Variants in SMOC2 observed in about 807,000 individuals in gnomAD.
The protein encoded by SMOC2 is SPARC-related modular calcium-binding protein 2.
SMOC2 carries 39 observed loss-of-function variants against 61.4 expected under a neutral mutation model. The ratio of observed to expected loss-of-function variants is 0.64; its 90% CI spans 0.49 to 0.83. The LOEUF (loss-of-function observed/expected upper bound fraction) is 0.83, where lower values mean the gene tolerates loss of function less well. Ranked by LOEUF, SMOC2 falls within the 40% of genes least tolerant of loss-of-function variation. SMOC2 has a pLI of 0.00. For missense variants in SMOC2, 556 were observed against 592.9 expected (o/e 0.94, Z 0.65); for synonymous variants, 247 against 239.9 (o/e 1.03, Z -0.27).
intron 7 of SMOC2, among the ~76,000 whole-genome samples, chr6:168,560,562 C>A (rs1410222410): frequency 2.9e-5 from 4 of 139,600 alleles, no homozygotes; most frequent in African/African-American, 8.1e-5. Flanking sequence ...AGACACGAGG[C>A]TCTCACTGCA....
chr6:168,648,436 C>A (rs1787103205), intron 9 of SMOC2, among the ~76,000 whole-genome samples: 1 of 152,210 alleles, frequency 6.6e-6, no homozygotes, highest in African/African-American at 2.4e-5. Context: ...TTTCTCATTT[C>A]CCTTCCTGGT....
intron 1 of SMOC2, among the ~76,000 whole-genome samples, chr6:168,491,153 C>T (rs1200459900): frequency 6.6e-6 from 1 of 152,230 alleles, no homozygotes; most frequent in African/African-American, 2.4e-5. Context: ...ATTGCACATG[C>T]TGCTCACGCC....
At chr6:168,536,665 T>G (rs988922488) in intron 4 of SMOC2, among the ~76,000 whole-genome samples, 1 of 152,060 alleles carries the variant, frequency 6.6e-6, no homozygotes, top group Non-Finnish European at 1.5e-5. Flanking sequence ...GGACTCAGTG[T>G]GGAGAGAGGG....
chr6:168,532,416 T>C (rs903799090), intron 4 of SMOC2, among the ~76,000 whole-genome samples: 16 of 152,192 alleles, frequency 1.1e-4, no homozygotes, highest in Non-Finnish European at 2.2e-4. Flanking sequence ...TTCTTTCTTT[T>C]CTTCCTCACC....
At chr6:168,557,996 CCTCTGGGGCATCTCTGAGGCTGA>C (rs1346600323) in intron 7 of SMOC2, among the ~76,000 whole-genome samples, 20 of 152,206 alleles carry the variant, frequency 1.3e-4, no homozygotes, top group African/African-American at 4.8e-4. Flanking sequence ...GAGCTGCTGG[CCTCTGGGGCATCTCTGAGGCTGA>C]CAGTGTGGGA....
intron 4 of SMOC2, among the ~76,000 whole-genome samples, chr6:168,538,817 C>T (rs1469837829): frequency 6.6e-6 from 1 of 151,570 alleles, no homozygotes; most frequent in East Asian, 1.9e-4. Context: ...GGGGTGACCC[C>T]TGCTGGAATC....
intron 1 of SMOC2, among the ~76,000 whole-genome samples, chr6:168,481,201 GT>G (rs1372166592): frequency 1.6e-4 from 24 of 152,038 alleles, no homozygotes; most frequent in Non-Finnish European, 1.6e-4. Context: ...TTGTAACATG[GT>G]TTAAAACTCT....
chr6:168,583,716 G>C (rs931682295), intron 7 of SMOC2, among the ~76,000 whole-genome samples: 1 of 152,212 alleles, frequency 6.6e-6, no homozygotes, highest in Non-Finnish European at 1.5e-5. Flanking sequence ...GAGTTCACAG[G>C]CTTGGGCCCA....
chr6:168,492,754 C>T (rs1025171723), intron 1 of SMOC2, among the ~76,000 whole-genome samples: 2 of 152,220 alleles, frequency 1.3e-5, no homozygotes, highest in African/African-American at 2.4e-5. Flanking sequence ...GAGGCACATA[C>T]CTGTCCTGAC....
At chr6:168,565,123 A>T (rs1374892719) in intron 7 of SMOC2, among the ~76,000 whole-genome samples, 1 of 152,238 alleles carries the variant, frequency 6.6e-6, no homozygotes, top group African/African-American at 2.4e-5. Flanking sequence ...ATTTTATCTG[A>T]CAACTCTGCC....
chr6:168,455,339 T>C (rs1261693634), intron 1 of SMOC2, among the ~76,000 whole-genome samples: 1 of 152,218 alleles, frequency 6.6e-6, no homozygotes, highest in Non-Finnish European at 1.5e-5. Flanking sequence ...TGTTGTGTCT[T>C]GTCCCAGTCG....
chr6:168,659,594 T>TTATAGTA (rs1787431045), intron 11 of SMOC2, among the ~76,000 whole-genome samples: 1 of 10,062 alleles, frequency 9.9e-5, no homozygotes, highest in Non-Finnish European at 2.1e-4. Flanking sequence ...AGGTTGTAGG[T>TTATAGTA]TGGGTGAGGG....
intron 9 of SMOC2, among the ~76,000 whole-genome samples, chr6:168,629,938 C>T (rs780407733): frequency 7.2e-5 from 11 of 152,238 alleles, no homozygotes; most frequent in East Asian, 1.9e-4. Flanking sequence ...CTTGAAACAC[C>T]GGGGTGGGTG....
rs528283516 is a variant in SMOC2 at position 168,535,529 on chromosome 6, T to C, written c.463+7802T>C. ...CAGTAAATTCAGAACATTCCTTTTA[T>C]CAGATGCACCTCAAATCAGGAATCC... On this transcript the variant is annotated intron_variant, in intron 4 of 12. Transcript: ENST00000356284. This position sits in a 1 kb window ranked among gnomAD's most constrained non-coding sequence, Gnocchi z 4.6. Among the ~76,000 whole-genome samples, 1 of 152,244 alleles carries C rather than the reference T, an allele frequency of 6.6e-6. No individual in the cohort carries two copies.
intron 4 of SMOC2, among the ~76,000 whole-genome samples, chr6:168,537,867 G>A (rs978334371): frequency 5.3e-5 from 8 of 152,024 alleles, no homozygotes; most frequent in Admixed American, 3.9e-4. Context: ...CCCTGCCCTC[G>A]GAGGGGCACC....
chr6:168,559,289 C>G (rs1041602571), intron 7 of SMOC2, among the ~76,000 whole-genome samples: 1 of 151,856 alleles, frequency 6.6e-6, no homozygotes, highest in African/African-American at 2.4e-5. Context: ...AACCCGGTCT[C>G]TACTAAAAAT....
At chr6:168,513,018 TATAAAATGTCC>T (rs67553091) in intron 2 of SMOC2, among the ~76,000 whole-genome samples, 119,196 of 149,640 alleles carry the variant, frequency 0.8, 48,324 homozygotes, top group East Asian at 0.93. Flanking sequence ...AATATCTTTC[TATAAAATGTCC>T]ATAAAAGTAA....
At chr6:168,558,598 C>T (rs1231237030) in intron 7 of SMOC2, among the ~76,000 whole-genome samples, 1 of 152,172 alleles carries the variant, frequency 6.6e-6, no homozygotes, top group East Asian at 1.9e-4. Flanking sequence ...AGACCCACCT[C>T]CCGGAAAAGC....
intron 7 of SMOC2, among the ~76,000 whole-genome samples, chr6:168,560,555 CACGAGGCTCTCACTGCATTCTTGGAGGAG>C (rs1562348364): frequency 5.3e-5 from 7 of 132,736 alleles, no homozygotes; most frequent in South Asian, 2.5e-4. Flanking sequence ...TGCCCTGAGA[CACGAGGCTCTCACTGCATTCTTGGAGGAG>C]GTGTCATTTT....
Sources: allele counts gnomAD v4.1 joint callset (sites outside exome capture counted in the v4.1 genomes callset), GRCh38; gene constraint gnomAD v4.1.1; non-coding constraint Gnocchi (gnomAD v3.1); transcripts MANE v1.5; gene names NCBI Gene and HGNC (gene_info 2026-07-23, HGNC 2026-07-21).